Variants in OR13G1 observed in about 807,000 individuals in gnomAD.
OR13G1 encodes the protein olfactory receptor 13G1.
For missense variants in OR13G1, 369 were observed against 385.7 expected, an observed-to-expected ratio of 0.96 and a Z score of 0.36; for synonymous variants, 128 against 136.2, an observed-to-expected ratio of 0.94 and a Z score of 0.42.
chr1:247,673,303 A>G (rs1659248430), intron 1 of OR13G1, 24 bp from the exon 2 acceptor site: 3 of 422,630 alleles, frequency 7.1e-6, no homozygotes, highest in Admixed American at 4.1e-5. Flanking sequence ...TTGAGAAGAA[A>G]AATATTTTCA....
rs1448091539 is a variant in OR13G1 at position 247,672,562 on chromosome 1, G to T, written c.480C>A (p.Ile160=). 1.2e-6 allele frequency: 2 copies of T among 1,613,984 alleles called. No homozygotes were observed. Among genetic ancestry groups the T allele is most frequent in the African/African-American group, 2.7e-5 (2 of 74,922 alleles). The part of the protein sequence containing the change: ...VTNSWVHTAL[I]MRLTFCGPNT... ...TTGGCCCACAGAAAGTCAACCTCAT[G>T]ATAAGAGCTGTGTGCACCCAGGAAT... Residue 160 remains isoleucine (I), a synonymous_variant, in exon 2 of 2, where the codon ATC becomes ATA. Coordinates refer to ENST00000642119, the MANE Select transcript of OR13G1 (RefSeq NM_001005487.2).
intron 1 of OR13G1, among the ~76,000 whole-genome samples, chr1:247,678,319 C>T (rs1659392424): frequency 6.6e-6 from 1 of 152,136 alleles, no homozygotes; most frequent in Admixed American, 6.5e-5. Flanking sequence ...CTTATGTATC[C>T]ATTACATCAT....
rs1659194800 is a variant in OR13G1, at chr1:247,671,231, G to A, written c.*887C>T. On this transcript the variant is annotated 3_prime_UTR_variant, in exon 2 of 2. Coordinates refer to ENST00000642119, the MANE Select transcript of OR13G1 (RefSeq NM_001005487.2). ...ATATAGCTATAGCCAATGAGATGTA[G>A]CTTATACTTACTGGGTTATCCTTAT... is the stretch of plus-strand genomic sequence containing the variant. 1 of 152,072 alleles carries A rather than the reference G, an allele frequency of 6.6e-6. No homozygotes were observed. Among genetic ancestry groups the A allele is most frequent in the South Asian group, 2.1e-4 (1 of 4,824 alleles). 9.4% of individuals were successfully genotyped at this position (152,072 alleles called of 1,614,324 possible).
intron 1 of OR13G1, among the ~76,000 whole-genome samples, chr1:247,676,964 T>A (rs1659357055): frequency 6.6e-6 from 1 of 152,102 alleles, no homozygotes; most frequent in South Asian, 2.1e-4. Flanking sequence ...AGAAGATAAA[T>A]TCCAATAAAA....
At chr1:247,674,876 T>C (rs1659312345) in intron 1 of OR13G1, among the ~76,000 whole-genome samples, 1 of 152,158 alleles carries the variant, frequency 6.6e-6, no homozygotes, top group Admixed American at 6.5e-5. Context: ...ATATGGCAAG[T>C]GTACACAAAA....
In OR13G1 at chr1:247,679,486, T is replaced by TTGTGTGTG. The variant is rs56753299; in HGVS notation, c.-239+146_-239+153dup. On this transcript the variant is annotated intron_variant, in intron 1 of 1. Coordinates refer to ENST00000642119, the MANE Select transcript of OR13G1 (RefSeq NM_001005487.2). ...AATTAAAGTACAATCCGCGGATGGA[T>TTGTGTGTG]TGTGTGTGTGTGTGTGTGTGTGTGT... Among the ~76,000 whole-genome samples the TTGTGTGTG allele has an allele frequency of 2.7e-3, 391 of 144,622 alleles. 1 individual carries two copies. The highest frequency in any genetic ancestry group is 5.5e-3 in the South Asian group (24 of 4,366). 94.9% of individuals were successfully genotyped at this position (144,622 alleles called of 152,430 possible).
chr1:247,678,811 T>G (rs1176012), intron 1 of OR13G1, among the ~76,000 whole-genome samples: 2 of 151,818 alleles, frequency 1.3e-5, no homozygotes, highest in Non-Finnish European at 2.9e-5. Context: ...CTACAAAGGA[T>G]AATCAACCAC....
Position 247,671,119 on chromosome 1 carries a change from T to A in OR13G1, c.*999A>T, listed in dbSNP as rs1659192869. On this transcript the variant is annotated 3_prime_UTR_variant, in exon 2 of 2. Coordinates refer to ENST00000642119, the MANE Select transcript of OR13G1 (RefSeq NM_001005487.2). The stretch of plus-strand genomic sequence containing the variant: ...CACCCATTTCTCATCCCATCTATGT[T>A]ACATCCAAATTTTTTCAGGGGTGCC... 1.3e-5 allele frequency: 2 copies of A among 152,192 alleles called. No homozygotes were observed. The highest frequency in any genetic ancestry group is 6.5e-5 in the Admixed American group (1 of 15,276). The allele number at this position is 152,192 out of a possible 1,614,324, so 9.4% of individuals were successfully genotyped here.
Position 247,672,506 on chromosome 1 carries a change from G to C in OR13G1, c.536C>G (p.Pro179Arg), listed in dbSNP as rs1458159734. ...NTIDHFFCEI[P>R]PLLALSCSPV... ...GCTACAGGACAAAGCCAGCAATGGGGGTATCTCACAGAAGAAGTGGTCAAT... is the reference window on the plus strand; with the variant it reads ...GCTACAGGACAAAGCCAGCAATGGGCGTATCTCACAGAAGAAGTGGTCAAT... Residue 179 changes from proline (P) to arginine (R), a missense_variant, in exon 2 of 2, where the codon CCC (proline) becomes CGC (arginine). Pro to Arg is a moderately radical substitution (Grantham distance 103). Coordinates refer to ENST00000642119, the MANE Select transcript of OR13G1 (RefSeq NM_001005487.2). 1.9e-6 allele frequency: 3 copies of C among 1,613,972 alleles called. No homozygotes were observed. The highest frequency in any genetic ancestry group is 2.2e-5 in the East Asian group (1 of 44,898).
At chr1:247,678,683 G>A (rs1010508887) in intron 1 of OR13G1, among the ~76,000 whole-genome samples, 14 of 152,210 alleles carry the variant, frequency 9.2e-5, no homozygotes, top group African/African-American at 3.1e-4. Context: ...AGGTTTCGAA[G>A]TGATCAGAGA....
intron 1 of OR13G1, among the ~76,000 whole-genome samples, chr1:247,677,901 T>A (rs1659382217): frequency 6.6e-6 from 1 of 152,110 alleles, no homozygotes; most frequent in South Asian, 2.1e-4. Context: ...GGTTGGGAGT[T>A]TGAGACCAGC....
In OR13G1 at chr1:247,671,996, A is replaced by T; in HGVS notation, c.*122T>A. The T allele has an allele frequency of 1.4e-6, 1 of 740,470 alleles. No homozygotes were observed. Among genetic ancestry groups the T allele is most frequent in the Non-Finnish European group, 2.2e-6 (1 of 459,340 alleles). 45.9% of individuals were successfully genotyped at this position (740,470 alleles called of 1,614,324 possible). On this transcript the variant is annotated 3_prime_UTR_variant, in exon 2 of 2. Transcript: ENST00000642119. The stretch of plus-strand genomic sequence containing the variant: ...TTTGGAGACAATGAGACTGCTAGGA[A>T]GAAGGCAGGAATAAGAGGGAAGGGA...
chr1:247,674,442 C>CT (rs760659371), intron 1 of OR13G1, among the ~76,000 whole-genome samples: 78 of 152,236 alleles, frequency 5.1e-4, no homozygotes, highest in Admixed American at 1.4e-3. Flanking sequence ...TCTCTCATGC[C>CT]TTGTAGCCTC....
rs753348166 is a variant in OR13G1, at chr1:247,672,639, G to C, written c.403C>G (p.His135Asp). The part of the protein sequence containing the change: ...FPLHYSTIMN[H>D]HMCVALLSMV... ...CTGAGCAAGGCTACACACATATGGTGGTTCATAATAGTACTGTAATGAAGA... is the reference window on the plus strand; with the variant it reads ...CTGAGCAAGGCTACACACATATGGTCGTTCATAATAGTACTGTAATGAAGA... The change falls in exon 2 of 2, where the codon CAC becomes GAC. Residue 135 changes from histidine (H) to aspartate (D), a missense_variant. Transcript: ENST00000642119. 1.2e-6 allele frequency: 2 copies of C among 1,613,982 alleles called. No individual in the cohort carries two copies. The highest frequency in any genetic ancestry group is 1.1e-5 in the South Asian group (1 of 91,076).
At chr1:247,676,538 A>ATT (rs2103158571) in intron 1 of OR13G1, among the ~76,000 whole-genome samples, 2 of 152,282 alleles carry the variant, frequency 1.3e-5, no homozygotes, top group South Asian at 4.1e-4. Context: ...TCATTATGCT[A>ATT]TTAGATTATG....
In OR13G1 at chr1:247,677,073, CAT is replaced by C. The variant is rs368917446; in HGVS notation, c.-239+2565_-239+2566del. Among the ~76,000 whole-genome samples the C allele has an allele frequency of 7.5e-4, 114 of 152,214 alleles. 1 individual carries two copies. Among genetic ancestry groups the C allele is most frequent in the African/African-American group, 2.6e-3 (109 of 41,534 alleles). On this transcript the variant is annotated intron_variant, in intron 1 of 1. Coordinates refer to ENST00000642119, the MANE Select transcript of OR13G1 (RefSeq NM_001005487.2). Reference sequence around the variant, plus strand: ...AGGAGTTTGAAACCAGCCTTGGTAACATAGTGAGACCTCGTTTCTACAAAAAA... The same window carrying C: ...AGGAGTTTGAAACCAGCCTTGGTAACAGTGAGACCTCGTTTCTACAAAAAA...
rs890335560 is a variant in OR13G1 at position 247,670,927 on chromosome 1, A to T, written c.*1191T>A. ...CACAGCAAATGATATATTTCTTCCA[A>T]CTTGTTATAAGATGTGTTGTATATT... On this transcript the variant is annotated 3_prime_UTR_variant, in exon 2 of 2. Transcript: ENST00000642119. 3 of 152,026 alleles carry T rather than the reference A, an allele frequency of 2.0e-5. No homozygotes were observed. Among genetic ancestry groups the T allele is most frequent in the African/African-American group, 7.2e-5 (3 of 41,404 alleles). The allele number at this position is 152,026 out of a possible 1,614,324, so 9.4% of individuals were successfully genotyped here. A position where few individuals can be genotyped will look rare whatever the true frequency, so the allele number is the denominator to read the frequency against.
At chr1:247,678,594 G>A (rs1659397352) in intron 1 of OR13G1, among the ~76,000 whole-genome samples, 1 of 152,192 alleles carries the variant, frequency 6.6e-6, no homozygotes, top group African/African-American at 2.4e-5. Flanking sequence ...CGTTTAAGGA[G>A]AATGTTACAT....
Position 247,672,005 on chromosome 1 carries a change from G to C in OR13G1, c.*113C>G, listed in dbSNP as rs1659213028. The C allele has an allele frequency of 1.2e-6, 1 of 807,720 alleles. No individual in the cohort carries two copies. Among genetic ancestry groups the C allele is most frequent in the South Asian group, 1.8e-5 (1 of 56,112 alleles). 50.0% of individuals were successfully genotyped at this position (807,720 alleles called of 1,614,324 possible). A position where few individuals can be genotyped will look rare whatever the true frequency, so the allele number is the denominator to read the frequency against. ...AATGAGACTGCTAGGAAGAAGGCAG[G>C]AATAAGAGGGAAGGGAAAATTGGAG... On this transcript the variant is annotated 3_prime_UTR_variant, in exon 2 of 2. Transcript: ENST00000642119.
Sources: gnomAD v4.1 joint callset for allele counts (sites outside exome capture counted in the v4.1 genomes callset) on GRCh38, gnomAD v4.1.1 for gene constraint, MANE v1.5 for transcripts, NCBI Gene and HGNC (gene_info 2026-07-23, HGNC 2026-07-21) for gene names.